The following SPATA7 variants were observed in gnomAD, a reference collection of about 807,000 sequenced individuals.
The protein encoded by SPATA7 is spermatogenesis associated 7.
SPATA7 carries 43 observed loss-of-function variants against 51.8 expected under a neutral mutation model. The observed-to-expected ratio is 0.83, with a 90% confidence interval of 0.65 to 1.07. SPATA7 has a LOEUF of 1.07. Ranked by LOEUF, SPATA7 falls within the 50% of genes least tolerant of loss-of-function variation. The probability of loss-of-function intolerance (pLI) is 0.00; values close to 1 mark genes in which losing one functional copy is unlikely to be tolerated. For synonymous variants in SPATA7, 230 were observed against 252.8 expected (o/e 0.91, Z 0.86); for missense variants, 683 against 701.3 (o/e 0.97, Z 0.30).
rs140804923 is a variant in SPATA7 at position 88,423,273 on chromosome 14, C to T, written c.373-2959C>T. 2.0e-5 allele frequency among the ~76,000 whole-genome samples: 3 copies of T among 151,094 alleles called. No homozygotes were observed. The East Asian group carries it at 5.9e-4, about 29-fold the overall frequency. Reference sequence around the variant, plus strand: ...TAGAAAAGAGGCGGGAGCAGTGGCTCACACCTGTGATCCCAACACTTTGAG... The same window carrying T: ...TAGAAAAGAGGCGGGAGCAGTGGCTTACACCTGTGATCCCAACACTTTGAG... On this transcript the variant is annotated intron_variant, in intron 5 of 11. Coordinates refer to ENST00000393545, the MANE Select transcript of SPATA7 (RefSeq NM_018418.5).
At chr14:88,407,442 G>A (rs896737560) in intron 4 of SPATA7, among the ~76,000 whole-genome samples, 3 of 151,988 alleles carry the variant, frequency 2.0e-5, no homozygotes, top group Non-Finnish European at 2.9e-5. Context: ...CATATCCTTC[G>A]CCCACTTTTT....
At chr14:88,470,154 A>G in exon 5 of SPATA7, 1 of 1,010,354 alleles carries the variant, frequency 9.9e-7, no homozygotes, top group Non-Finnish European at 1.4e-6. Flanking sequence ...TAAAAAAGTA[A>G]AAAGTAAAAA....
chr14:88,446,071 C>T (rs1346199689), intron 3 of SPATA7, among the ~76,000 whole-genome samples: 1 of 152,176 alleles, frequency 6.6e-6, no homozygotes, highest in Non-Finnish European at 1.5e-5. Context: ...GTACCAGTTC[C>T]TCCTTGTACC....
chr14:88,463,218 A>G (rs1566799164), intron 4 of SPATA7, among the ~76,000 whole-genome samples: 1 of 152,146 alleles, frequency 6.6e-6, no homozygotes, highest in East Asian at 1.9e-4. Context: ...AGGAGGACAT[A>G]TAAGTGGCAA....
At position 88,401,860 on chromosome 14, in the gene SPATA7, AAAGT is replaced by A. The variant is rs1209665590; in HGVS notation, c.238+5661_238+5664del. ...TCAAAAAAAAAAAAAAAAAAAAAAA[AAAGT>A]AAGGTTACTTCTGTTTGTGATGACA... On this transcript the variant is annotated intron_variant, in intron 4 of 11. Transcript: ENST00000393545. Among the ~76,000 whole-genome samples the A allele has an allele frequency of 4.0e-5, 6 of 150,952 alleles. No individual in the cohort carries two copies. In the East Asian group the frequency reaches 7.7e-4, roughly 19 times the overall value.
At chr14:88,398,275 T>G (rs1433152517) in intron 4 of SPATA7, among the ~76,000 whole-genome samples, 3 of 151,630 alleles carry the variant, frequency 2.0e-5, no homozygotes, top group Non-Finnish European at 2.9e-5. Context: ...GTGGCACATA[T>G]ACACCATGGA....
chr14:88,391,478 C>T (rs747016204), intron 2 of SPATA7, 23 bp downstream of exon 2: 19 of 1,600,412 alleles, frequency 1.2e-5, no homozygotes, highest in Non-Finnish European at 1.6e-5. Flanking sequence ...CTTAAAACGG[C>T]AGCTTTGTTA....
intron 4 of SPATA7, among the ~76,000 whole-genome samples, chr14:88,404,944 GACAA>G (rs2076165126): frequency 6.6e-6 from 1 of 152,030 alleles, no homozygotes; most frequent in Admixed American, 6.6e-5. Context: ...AGTTGGAGAA[GACAA>G]ACAATAAGCA....
intron 1 of SPATA7, chr14:88,386,079 G>A (rs1475816996): frequency 7.1e-7 from 1 of 1,404,020 alleles, no homozygotes; most frequent in Non-Finnish European, 9.3e-7. Context: ...AGGGGCCCCT[G>A]TCTCCTGAAC....
intron 4 of SPATA7, among the ~76,000 whole-genome samples, chr14:88,464,230 T>C (rs73329629): frequency 0.012 from 1,816 of 152,272 alleles, 18 homozygotes; most frequent in African/African-American, 0.042. Flanking sequence ...TTTTGAGAAA[T>C]GTTTTCCCAG....
chr14:88,423,671 A>ATTT (rs897398508), intron 5 of SPATA7, among the ~76,000 whole-genome samples: 3 of 12,272 alleles, frequency 2.4e-4, no homozygotes, highest in African/African-American at 3.2e-4. Flanking sequence ...TTTTAAAATA[A>ATTT]TTTTTTTTTT....
Position 88,426,344 on chromosome 14 carries a change from A to G in SPATA7, c.485A>G (p.His162Arg), listed in dbSNP as rs767021580. 1.2e-6 allele frequency: 2 copies of G among 1,614,188 alleles called. No homozygotes were observed. The highest frequency in any genetic ancestry group is 1.7e-6 in the Non-Finnish European group (2 of 1,180,020). The stretch of plus-strand genomic sequence containing the variant: ...TCAGAGAGACTACACCTAAGTCTAC[A>G]TAAATCCAGTAAAGTCATCACAAAT... Reference protein sequence around the residue: ...PSSERLHLSLHKSSKVITNGP... With the variant: ...PSSERLHLSLRKSSKVITNGP... The change falls in exon 6 of 12, where the codon CAT (histidine) becomes CGT (arginine). Residue 162 changes from histidine (H) to arginine (R), a missense_variant. His to Arg is a conservative substitution (Grantham distance 29). Transcript: ENST00000393545.
intron 3 of SPATA7, among the ~76,000 whole-genome samples, chr14:88,395,562 C>T (rs2075857754): frequency 6.6e-6 from 1 of 151,892 alleles, no homozygotes; most frequent in Non-Finnish European, 1.5e-5. Context: ...AATTTGCGAT[C>T]CATTTTGAGT....
intron 7 of SPATA7, chr14:88,428,666 G>A (rs148063370): frequency 2.0e-5 from 3 of 152,248 alleles, no homozygotes; most frequent in East Asian, 1.9e-4. Context: ...AGATAACTAC[G>A]TAAACATGAA....
chr14:88,467,455 G>A (rs2077382133), intron 4 of SPATA7: 1 of 151,860 alleles, frequency 6.6e-6, no homozygotes, highest in Non-Finnish European at 1.5e-5. Context: ...GTATCTAAAT[G>A]AATTGAGCTC....
At chr14:88,429,890 C>CTATTTATTTATT (rs57390600) in intron 8 of SPATA7, among the ~76,000 whole-genome samples, 42,911 of 143,212 alleles carry the variant, frequency 0.3, 6,937 homozygotes, top group East Asian at 0.5. Context: ...TATGAAGACA[C>CTATTTATTTATT]TATTTATTTA....
At chr14:88,446,955 A>T (rs1433961429) in intron 3 of SPATA7, among the ~76,000 whole-genome samples, 2 of 152,168 alleles carry the variant, frequency 1.3e-5, no homozygotes, top group African/African-American at 4.8e-5. Flanking sequence ...AAAAATGTAC[A>T]TTCTGTTGAT....
At chr14:88,458,679 C>A (rs897575050), downstream of SPATA7, among the ~76,000 whole-genome samples, 6 of 152,002 alleles carry the variant, frequency 3.9e-5, no homozygotes, top group African/African-American at 1.5e-4. Context: ...AAAACGAGCC[C>A]CTGGATTCAT....
intron 4 of SPATA7, among the ~76,000 whole-genome samples, chr14:88,399,711 C>T (rs1357181258): frequency 5.9e-5 from 9 of 152,118 alleles, no homozygotes; most frequent in African/African-American, 1.4e-4. Flanking sequence ...TGAGCCACCG[C>T]GCCTGGCCTT....
Sources: allele counts gnomAD v4.1 joint callset (sites outside exome capture counted in the v4.1 genomes callset), GRCh38; gene constraint gnomAD v4.1.1; transcripts MANE v1.5; gene names NCBI Gene and HGNC (gene_info 2026-07-23, HGNC 2026-07-21).